CFI: variants seen among roughly 807,000 people sequenced by gnomAD.
CFI encodes the protein C3B/C4B inactivator.
In CFI, 66 loss-of-function variants were observed where a neutral mutation model predicts 78.8. The ratio of observed to expected loss-of-function variants is 0.84; its 90% CI spans 0.69 to 1.03. CFI has a LOEUF of 1.03. CFI is among the 50% of genes least tolerant of loss of function. The pLI is 0.00. For missense variants in CFI, 706 were observed against 704.5 expected (o/e 1.00, Z -0.02); for synonymous variants, 250 against 232.6 (o/e 1.07, Z -0.68).
the CFI span, among the ~76,000 whole-genome samples, chr4:109,732,314 T>C: frequency 1.3e-5 from 2 of 152,208 alleles, no homozygotes; most frequent in African/African-American, 4.8e-5. Flanking sequence ...AGCAAATCTT[T>C]CCACTGTCTT....
chr4:109,758,449 A>C (rs1288758343), intron 6 of CFI, among the ~76,000 whole-genome samples: 1 of 152,174 alleles, frequency 6.6e-6, no homozygotes, highest in Non-Finnish European at 1.5e-5. Context: ...GAATAGGTAC[A>C]TAAGGAATAT....
downstream of CFI, among the ~76,000 whole-genome samples, chr4:109,738,434 C>A (rs1164330846): frequency 6.6e-6 from 1 of 152,150 alleles, no homozygotes. Context: ...TTATCTCATA[C>A]ACAGACATAT....
rs568926327 is a variant in CFI, at chr4:109,786,061, C to A, written c.57+15854G>T. On this transcript the variant is annotated intron_variant, in intron 1 of 12. Transcript: ENST00000394634. ...TTCTTTAAAAAAAAAACAAAAAAAA[C>A]CAAAGTCTAGCTCTGAGAGTGAGTG... 2.1e-4 allele frequency among the ~76,000 whole-genome samples: 32 copies of A among 151,718 alleles called. 1 individual carries two copies. Among genetic ancestry groups the A allele is most frequent in the South Asian group, 1.0e-3 (5 of 4,802 alleles).
chr4:109,736,421 T>A (rs1723372843), downstream of CFI, among the ~76,000 whole-genome samples: 1 of 151,232 alleles, frequency 6.6e-6, no homozygotes, highest in Admixed American at 6.6e-5. Flanking sequence ...AAAAGGGAAC[T>A]TAAGTTAAAG....
chr4:109,748,812 G>A (rs1344234167), intron 10 of CFI, among the ~76,000 whole-genome samples: 2 of 152,174 alleles, frequency 1.3e-5, no homozygotes, highest in African/African-American at 2.4e-5. Flanking sequence ...TAAGAGGAAT[G>A]CAAAGTCATT....
intron 12 of CFI, 138 bp from the exon 13 acceptor site, chr4:109,741,248 C>A: frequency 6.7e-7 from 1 of 1,501,982 alleles, no homozygotes; most frequent in Non-Finnish European, 8.8e-7. Context: ...CCTTAGAGTC[C>A]CTGGCTGGGC....
chr4:109,791,790 A>G (rs1315452975), intron 1 of CFI, among the ~76,000 whole-genome samples: 2 of 152,016 alleles, frequency 1.3e-5, no homozygotes, highest in East Asian at 3.9e-4. Context: ...ATTCTTTTTT[A>G]ATGTAGGCAT....
chr4:109,761,837 G>A, intron 3 of CFI, 145 bp from the exon 4 acceptor site: 2 of 683,922 alleles, frequency 2.9e-6, no homozygotes, highest in Non-Finnish European at 5.1e-6. Context: ...GAAACTCTGA[G>A]CCTCAGTACC....
At chr4:109,749,470 T>C in intron 9 of CFI, 29 bp downstream of exon 9, 2 of 1,574,650 alleles carry the variant, frequency 1.3e-6, no homozygotes, top group Non-Finnish European at 8.7e-7. Flanking sequence ...TTCTGGGCAG[T>C]TGCATTGTGA....
chr4:109,773,241 AC>A (rs963844528), intron 1 of CFI, among the ~76,000 whole-genome samples: 1 of 152,108 alleles, frequency 6.6e-6, no homozygotes, highest in African/African-American at 2.4e-5. Flanking sequence ...CAAAACATAA[AC>A]TTTTGCCAGG....
intron 1 of CFI, among the ~76,000 whole-genome samples, chr4:109,782,331 G>A (rs1306900533): frequency 2.0e-5 from 3 of 151,386 alleles, no homozygotes; most frequent in African/African-American, 2.4e-5. Context: ...TAAAGTTTCT[G>A]GATACAAGAT....
chr4:109,798,260 G>T (rs372368807), intron 1 of CFI, among the ~76,000 whole-genome samples: 47 of 152,124 alleles, frequency 3.1e-4, no homozygotes, highest in African/African-American at 1.1e-3. Flanking sequence ...AGTGCCTATT[G>T]TTCATAATAC....
At chr4:109,791,429 G>A (rs1482681902) in intron 1 of CFI, among the ~76,000 whole-genome samples, 3 of 151,984 alleles carry the variant, frequency 2.0e-5, no homozygotes, top group African/African-American at 7.2e-5. Context: ...TTGCTGTGCA[G>A]AAGCTCTTTA....
intron 1 of CFI, among the ~76,000 whole-genome samples, chr4:109,769,448 C>T (rs745912455): frequency 2.0e-5 from 3 of 152,156 alleles, no homozygotes; most frequent in Non-Finnish European, 2.9e-5. Context: ...AGCTCTCCTC[C>T]ATTCCACAGC....
intron 3 of CFI, among the ~76,000 whole-genome samples, chr4:109,764,106 T>C (rs1727421644): frequency 6.7e-6 from 1 of 150,298 alleles, no homozygotes; most frequent in Non-Finnish European, 1.5e-5. Context: ...CTATAATTTA[T>C]CCTAACTATA....
At chr4:109,770,556 TAA>T (rs11310218) in intron 1 of CFI, among the ~76,000 whole-genome samples, 166 of 123,358 alleles carry the variant, frequency 1.3e-3, no homozygotes, top group Admixed American at 1.9e-3. Context: ...ACTCCATCTC[TAA>T]AAAAAAAAAA....
intron 7 of CFI, among the ~76,000 whole-genome samples, chr4:109,752,897 A>C (rs1034893536): frequency 7.1e-5 from 9 of 127,240 alleles, no homozygotes; most frequent in Non-Finnish European, 1.3e-4. Context: ...ATATATATTT[A>C]TTATATAAAT....
At chr4:109,776,120 T>A (rs998864032) in intron 1 of CFI, among the ~76,000 whole-genome samples, 9 of 152,160 alleles carry the variant, frequency 5.9e-5, no homozygotes, top group Admixed American at 4.6e-4. Context: ...GGAGAATGAT[T>A]TTGACAAGTT....
intron 1 of CFI, among the ~76,000 whole-genome samples, chr4:109,788,498 TA>T (rs1731009625): frequency 6.6e-6 from 1 of 152,100 alleles, no homozygotes; most frequent in African/African-American, 2.4e-5. Flanking sequence ...CTTTACATCC[TA>T]ACCATATCTT....
Sources: allele counts gnomAD v4.1 joint callset (sites outside exome capture counted in the v4.1 genomes callset), GRCh38; gene constraint gnomAD v4.1.1; transcripts MANE v1.5; gene names NCBI Gene and HGNC (gene_info 2026-07-23, HGNC 2026-07-21).